The following CTNNA3 variants were observed in gnomAD, a reference collection of about 807,000 sequenced individuals.
CTNNA3 encodes catenin alpha 3, also known as catenin alpha-3.
Under a neutral mutation model 95.7 loss-of-function variants are expected in CTNNA3, and 76 were observed. That is an observed-to-expected ratio of 0.79 (90% CI 0.66 to 0.96). The LOEUF is 0.96. Among genes scored for constraint, CTNNA3 ranks in the 40% least tolerant of loss-of-function variants. CTNNA3 has a pLI of 0.00. For synonymous variants in CTNNA3, 431 were observed against 374.4 expected (o/e 1.15, Z -1.74); for missense variants, 1,191 against 1,089.8 (o/e 1.09, Z -1.31).
intron 13 of CTNNA3, among the ~76,000 whole-genome samples, chr10:66,215,898 T>C (rs903177123): frequency 1.8e-4 from 27 of 152,244 alleles, no homozygotes; most frequent in African/African-American, 6.5e-4. Context: ...CTCCCTCTGC[T>C]TCTCTCACAC....
At chr10:66,441,392 CT>C (rs2093374619) in intron 11 of CTNNA3, among the ~76,000 whole-genome samples, 1 of 152,038 alleles carries the variant, frequency 6.6e-6, no homozygotes, top group Non-Finnish European at 1.5e-5. Flanking sequence ...AAAAATTTCT[CT>C]GGAGAAAAGG....
intron 3 of CTNNA3, among the ~76,000 whole-genome samples, chr10:67,581,844 T>G (rs962583680): frequency 6.6e-6 from 1 of 152,158 alleles, no homozygotes; most frequent in Non-Finnish European, 1.5e-5. Context: ...AGTTTTTTTG[T>G]GTAGAAGTGT....
intron 13 of CTNNA3, among the ~76,000 whole-genome samples, chr10:66,139,431 C>T (rs192704343): frequency 4.5e-4 from 68 of 152,188 alleles, no homozygotes; most frequent in African/African-American, 1.6e-3. Flanking sequence ...TTGGATTTTT[C>T]CCTGTCAAAT....
chr10:67,013,995 A>G (rs887806005), intron 7 of CTNNA3, among the ~76,000 whole-genome samples: 1 of 152,148 alleles, frequency 6.6e-6, no homozygotes, highest in Non-Finnish European at 1.5e-5. Flanking sequence ...TAAACACTCC[A>G]GAGAATTTGT....
rs1361815002 is a variant in CTNNA3 at position 66,685,325 on chromosome 10, G to GTGTGTA, written c.1282-63542_1282-63541insTACACA. 1.0e-3 allele frequency among the ~76,000 whole-genome samples: 30 copies of GTGTGTA among 30,006 alleles called. 1 individual carries two copies. Among genetic ancestry groups the GTGTGTA allele is most frequent in the African/African-American group, 4.3e-3 (30 of 6,986 alleles). 19.7% of individuals were successfully genotyped at this position (30,006 alleles called of 152,430 possible). On this transcript the variant is annotated intron_variant, in intron 9 of 17. Coordinates refer to ENST00000433211, the MANE Select transcript of CTNNA3 (RefSeq NM_013266.4). ...TATATATATGTGTGTGTGTATGTGTGTATATATATATATATATATATATAT... is the reference window on the plus strand; with the variant it reads ...TATATATATGTGTGTGTGTATGTGTGTGTGTATATATATATATATATATATATATAT...
Position 67,292,409 on chromosome 10 carries a change from C to T in CTNNA3, c.580-72539G>A, listed in dbSNP as rs544531499. ...CTTCATTTTGAGGTATTTTTTTTTC[C>T]GAGTCCCAACAAAGTAAAGTGGGAA... On this transcript the variant is annotated intron_variant, in intron 5 of 17. Transcript: ENST00000433211. Among the ~76,000 whole-genome samples, 32 of 151,822 alleles carry T rather than the reference C, an allele frequency of 2.1e-4. No homozygotes were observed. In the East Asian group the frequency reaches 2.7e-3, roughly 13 times the overall value.
chr10:66,245,649 G>A (rs1160143082), intron 13 of CTNNA3, among the ~76,000 whole-genome samples: 2 of 152,172 alleles, frequency 1.3e-5, no homozygotes, highest in Admixed American at 6.5e-5. Context: ...AAGAGACCAA[G>A]GAGTGGGAAG....
At chr10:67,324,498 T>TG (rs1841461385) in intron 5 of CTNNA3, among the ~76,000 whole-genome samples, 1 of 152,184 alleles carries the variant, frequency 6.6e-6, no homozygotes, top group East Asian at 1.9e-4. Context: ...AAGATAATCA[T>TG]GTGGCTTTTG....
At chr10:67,745,612 T>G (rs1412507848) in intron 1 of CTNNA3, among the ~76,000 whole-genome samples, 2 of 151,666 alleles carry the variant, frequency 1.3e-5, no homozygotes, top group African/African-American at 2.4e-5. Context: ...TATACATATG[T>G]AACAAACCTG....
intron 13 of CTNNA3, among the ~76,000 whole-genome samples, chr10:66,178,071 A>T (rs1003967393): frequency 1.3e-5 from 2 of 151,684 alleles, no homozygotes; most frequent in African/African-American, 4.8e-5. Context: ...TAATGCAAAG[A>T]TCCTACAATT....
chr10:65,991,375 T>C (rs2078542580), intron 15 of CTNNA3, among the ~76,000 whole-genome samples: 2 of 152,144 alleles, frequency 1.3e-5, no homozygotes, highest in African/African-American at 4.8e-5. Flanking sequence ...TTGACAATAT[T>C]AATTCTTCTG....
intron 1 of CTNNA3, among the ~76,000 whole-genome samples, chr10:67,741,075 C>T (rs1245854850): frequency 1.3e-5 from 2 of 150,740 alleles, no homozygotes; most frequent in East Asian, 1.9e-4. Flanking sequence ...AAACAAACAC[C>T]GCATATTCTC....
At chr10:66,993,470 C>A (rs559769983) in intron 7 of CTNNA3, among the ~76,000 whole-genome samples, 1 of 152,204 alleles carries the variant, frequency 6.6e-6, no homozygotes, top group Admixed American at 6.5e-5. Context: ...TTGGAAATAA[C>A]AATCTATTGC....
At chr10:65,980,535 A>G (rs1393748056) in intron 16 of CTNNA3, among the ~76,000 whole-genome samples, 1 of 150,874 alleles carries the variant, frequency 6.6e-6, no homozygotes. Context: ...ACAAAAAAAA[A>G]AAAGAAAAGA....
intron 12 of CTNNA3, among the ~76,000 whole-genome samples, chr10:66,366,787 C>G (rs1171101762): frequency 2.0e-5 from 3 of 152,052 alleles, no homozygotes; most frequent in Non-Finnish European, 4.4e-5. Context: ...AAAAACAGAG[C>G]AGTTAGCAAC....
At chr10:67,759,944 A>T (rs1199085740) in intron 1 of CTNNA3, among the ~76,000 whole-genome samples, 1 of 152,190 alleles carries the variant, frequency 6.6e-6, no homozygotes, top group African/African-American at 2.4e-5. Context: ...ATGAGACCCT[A>T]AGCAAAGAAC....
chr10:66,485,022 C>CA (rs1468372744), intron 11 of CTNNA3, among the ~76,000 whole-genome samples: 1 of 151,902 alleles, frequency 6.6e-6, no homozygotes, highest in Non-Finnish European at 1.5e-5. Context: ...AAATCATTGA[C>CA]AAAATTCAAC....
chr10:66,702,210 T>C, intron 9 of CTNNA3, among the ~76,000 whole-genome samples: 1 of 152,026 alleles, frequency 6.6e-6, no homozygotes. Context: ...TAACAGCTGT[T>C]GAACATCAGC....
intron 13 of CTNNA3, among the ~76,000 whole-genome samples, chr10:66,169,605 T>C (rs558184450): frequency 2.0e-5 from 3 of 152,316 alleles, no homozygotes; most frequent in African/African-American, 7.2e-5. Flanking sequence ...CCACACTGTT[T>C]TCCATAGTGG....
Sources: allele counts gnomAD v4.1 joint callset (sites outside exome capture counted in the v4.1 genomes callset), GRCh38; gene constraint gnomAD v4.1.1; transcripts MANE v1.5; gene names NCBI Gene and HGNC (gene_info 2026-07-23, HGNC 2026-07-21).